RNF216: variants seen among roughly 807,000 people sequenced by gnomAD.
RNF216 encodes the protein ring finger protein 216.
RNF216 carries 72 observed loss-of-function variants against 110.8 expected under a neutral mutation model. That is an observed-to-expected ratio of 0.65 (90% CI 0.54 to 0.79). The LOEUF is 0.79. RNF216 is among the 30% of genes least tolerant of loss of function. The pLI is 0.00. For synonymous variants in RNF216, 495 were observed against 407.5 expected (o/e 1.21, Z -2.59); for missense variants, 1,342 against 1,141.2 (o/e 1.18, Z -2.54).
At chr7:5,630,716 G>A (rs1466923014) in intron 15 of RNF216, among the ~76,000 whole-genome samples, 2 of 152,100 alleles carry the variant, frequency 1.3e-5, no homozygotes, top group South Asian at 2.1e-4. Context: ...AAAGCGCCAA[G>A]CACAGTGACA....
At chr7:5,739,068 G>A (rs1794602704) in intron 5 of RNF216, among the ~76,000 whole-genome samples, 1 of 152,180 alleles carries the variant, frequency 6.6e-6, no homozygotes. Context: ...GAAGGGGATG[G>A]GGAGTGAGTG....
At chr7:5,750,569 A>C (rs1359953882) in intron 3 of RNF216, among the ~76,000 whole-genome samples, 2 of 152,240 alleles carry the variant, frequency 1.3e-5, no homozygotes, top group Admixed American at 6.5e-5. Flanking sequence ...GAACCTGCTT[A>C]GTTCCTGAAG....
chr7:5,664,835 G>T (rs1451887277), intron 13 of RNF216, among the ~76,000 whole-genome samples: 1 of 151,958 alleles, frequency 6.6e-6, no homozygotes, highest in African/African-American at 2.4e-5. Flanking sequence ...TGCTCTTGTT[G>T]CCCAGGCTGG....
chr7:5,747,136 G>C (rs985098432), intron 3 of RNF216, among the ~76,000 whole-genome samples: 2 of 152,180 alleles, frequency 1.3e-5, no homozygotes, highest in Non-Finnish European at 1.5e-5. Flanking sequence ...GAAAAGAACA[G>C]TTCAACTGTT....
At chr7:5,769,421 T>G (rs1240666149) in intron 1 of RNF216, among the ~76,000 whole-genome samples, 1 of 147,284 alleles carries the variant, frequency 6.8e-6, no homozygotes, top group Non-Finnish European at 1.5e-5. Context: ...TGGCCGCAAA[T>G]GCCTTATTTT....
chr7:5,621,990 G>A lies in RNF216; in HGVS notation c.*870C>T, dbSNP rs896646205. 2 of 152,206 alleles carry A rather than the reference G, an allele frequency of 1.3e-5. No individual in the cohort carries two copies. Among genetic ancestry groups the A allele is most frequent in the African/African-American group, 4.8e-5 (2 of 41,394 alleles). The allele number at this position is 152,206 out of a possible 1,614,324, so 9.4% of individuals were successfully genotyped here. A position where few individuals can be genotyped will look rare whatever the true frequency, so the allele number is the denominator to read the frequency against. On this transcript the variant is annotated 3_prime_UTR_variant, in exon 17 of 17. Coordinates refer to ENST00000389902, the MANE Select transcript of RNF216 (RefSeq NM_207111.4). ...ACCCAGGGTCACCTGTCTCCCTAAG[G>A]AGGCCCACTCCTCCCCCAGAAAGCC...
chr7:5,768,325 T>TG (rs1796312017), intron 1 of RNF216, among the ~76,000 whole-genome samples: 2 of 71,506 alleles, frequency 2.8e-5, no homozygotes, highest in Admixed American at 2.0e-4. Flanking sequence ...GGTCCAGTAG[T>TG]GGGAGGCCGA....
chr7:5,672,919 G>T (rs931975869), intron 13 of RNF216, among the ~76,000 whole-genome samples: 3 of 152,176 alleles, frequency 2.0e-5, no homozygotes, highest in African/African-American at 7.2e-5. Flanking sequence ...GACCAAGGGG[G>T]ATGTCTTGAA....
intron 2 of RNF216, among the ~76,000 whole-genome samples, chr7:5,754,671 T>C (rs1027041336): frequency 3.9e-5 from 6 of 152,144 alleles, no homozygotes; most frequent in African/African-American, 1.4e-4. Flanking sequence ...CAGGAAATTG[T>C]AGATTCCTCT....
intron 9 of RNF216, among the ~76,000 whole-genome samples, chr7:5,720,079 G>A (rs1793321403): frequency 6.6e-6 from 1 of 152,198 alleles, no homozygotes; most frequent in Admixed American, 6.5e-5. Flanking sequence ...TGATTGTGAC[G>A]ATGGCTCTAC....
intron 14 of RNF216, among the ~76,000 whole-genome samples, chr7:5,644,858 T>C (rs1219124060): frequency 6.7e-6 from 1 of 148,980 alleles, no homozygotes; most frequent in African/African-American, 2.5e-5. Context: ...GGAGTCTTGC[T>C]CTGTTGCCCA....
At chr7:5,755,335 C>T (rs1260066981) in intron 2 of RNF216, among the ~76,000 whole-genome samples, 7 of 151,952 alleles carry the variant, frequency 4.6e-5, no homozygotes, top group Non-Finnish European at 1.0e-4. Flanking sequence ...ATGTAAGGTT[C>T]CAATTAGCTT....
At chr7:5,711,392 T>C (rs1432995021) in intron 13 of RNF216, among the ~76,000 whole-genome samples, 1 of 152,118 alleles carries the variant, frequency 6.6e-6, no homozygotes, top group Admixed American at 6.5e-5. Flanking sequence ...AAAAGGTGTG[T>C]GTGTGGGGAG....
At chr7:5,719,527 G>C (rs1223296936) in intron 9 of RNF216, among the ~76,000 whole-genome samples, 4 of 152,214 alleles carry the variant, frequency 2.6e-5, no homozygotes, top group Non-Finnish European at 4.4e-5. Context: ...AGACTAACTT[G>C]AAGGGGCAGC....
chr7:5,766,463 G>A (rs1295206426), intron 1 of RNF216, among the ~76,000 whole-genome samples: 1 of 151,768 alleles, frequency 6.6e-6, no homozygotes, highest in Non-Finnish European at 1.5e-5. Context: ...AAGTCATGGA[G>A]GTTGGGCCCT....
chr7:5,707,240 G>C (rs1792352804), intron 13 of RNF216, among the ~76,000 whole-genome samples: 1 of 152,046 alleles, frequency 6.6e-6, no homozygotes. Context: ...AGGATATTTG[G>C]GATCCTTTGT....
chr7:5,724,978 G>T (rs1291258879), intron 8 of RNF216, among the ~76,000 whole-genome samples: 1 of 152,070 alleles, frequency 6.6e-6, no homozygotes, highest in African/African-American at 2.4e-5. Context: ...CATAAGTCTG[G>T]GTAGTTTTTA....
chr7:5,691,649 C>T (rs568557412), intron 13 of RNF216, among the ~76,000 whole-genome samples: 53 of 152,310 alleles, frequency 3.5e-4, no homozygotes, highest in South Asian at 1.2e-3. Context: ...AACTTCTTAG[C>T]GTCCTCAATC....
intron 13 of RNF216, among the ~76,000 whole-genome samples, chr7:5,698,406 CACACACACAT>C (rs1255144628): frequency 6.1e-5 from 9 of 147,612 alleles, no homozygotes; most frequent in African/African-American, 2.1e-4. Flanking sequence ...CACACACACA[CACACACACAT>C]ACACACACAC....
Sources: gnomAD v4.1 joint callset for allele counts (sites outside exome capture counted in the v4.1 genomes callset) on GRCh38, gnomAD v4.1.1 for gene constraint, MANE v1.5 for transcripts, NCBI Gene and HGNC (gene_info 2026-07-23, HGNC 2026-07-21) for gene names.